DPP7: variants seen among roughly 807,000 people sequenced by gnomAD.
The protein encoded by DPP7 is dipeptidyl peptidase 2.
In DPP7, 74 loss-of-function variants were observed where a neutral mutation model predicts 58.8. The ratio of observed to expected loss-of-function variants is 1.26; its 90% CI spans 1.04 to 1.53. DPP7 has a LOEUF of 1.53. Among genes scored for constraint, DPP7 ranks in the 40% most tolerant of loss-of-function variants. The probability of loss-of-function intolerance (pLI) is 0.00; values close to 1 mark genes in which losing one functional copy is unlikely to be tolerated. For missense variants in DPP7, 807 were observed against 692.3 expected, an observed-to-expected ratio of 1.17 and a Z score of -1.86; for synonymous variants, 350 against 303.6, an observed-to-expected ratio of 1.15 and a Z score of -1.59.
chr9:137,114,884 GC>G, upstream of DPP7: 1 of 398,140 alleles, frequency 2.5e-6, no homozygotes, highest in Non-Finnish European at 4.2e-6. Context: ...CGCGGCCGCT[GC>G]CCAGGGGTCC....
At chr9:137,117,577 C>T (rs971305617), upstream of DPP7, among the ~76,000 whole-genome samples, 2 of 152,304 alleles carry the variant, frequency 1.3e-5, no homozygotes, top group East Asian at 1.9e-4. Context: ...CTCCACACCC[C>T]GATTCCTGCT....
At chr9:137,116,428 T>G (rs1831640199), upstream of DPP7, among the ~76,000 whole-genome samples, 3 of 152,222 alleles carry the variant, frequency 2.0e-5, no homozygotes, top group South Asian at 6.2e-4. Context: ...GACTCAAGGT[T>G]TAGGGGATTT....
At position 137,113,477 on chromosome 9, in the gene DPP7, C is replaced by T. The variant is rs1422925642; in HGVS notation, c.505G>A (p.Ala169Thr). 3.8e-6 allele frequency: 6 copies of T among 1,585,060 alleles called. No homozygotes were observed. The highest frequency in any genetic ancestry group is 5.2e-6 in the Non-Finnish European group (6 of 1,163,962). The stretch of plus-strand genomic sequence containing the variant: ...TGGGGATACTTCATCCTCAGGTAGG[C>T]ACTGAGCATCCCCCCATAACTGGGT... ...FGGSYGGMLS[A>T]YLRMKYPHLV... Residue 169 changes from alanine to threonine, a missense_variant, in exon 5 of 13, where the codon GCC becomes ACC. By Grantham distance (58) the Ala-to-Thr change is moderately conservative. Transcript: ENST00000371579.
At position 137,112,735 on chromosome 9, in the gene DPP7, G is replaced by A. The variant is rs1298001660; in HGVS notation, c.931+10C>T. 1.3e-6 allele frequency: 2 copies of A among 1,597,032 alleles called. No individual in the cohort carries two copies. The highest frequency in any genetic ancestry group is 1.7e-6 in the Non-Finnish European group (2 of 1,175,160). On this transcript the variant is annotated intron_variant, in intron 8 of 12. Transcript: ENST00000371579. ...CCACACTTGCCCATCTGGGGCCGGG[G>A]GAAGGGCACCTGCCAGTGCTCGCAG...
At chr9:137,114,070 C>T in intron 3 of DPP7, 42 bp from the exon 4 acceptor site, 1 of 1,235,464 alleles carries the variant, frequency 8.1e-7, no homozygotes, top group Middle Eastern at 3.1e-4. Flanking sequence ...CGACCCCGCC[C>T]GGCACCCGCG....
Position 137,111,904 on chromosome 9 carries a change from G to T in DPP7, c.1176C>A (p.Pro392=). The part of the protein sequence containing the change: ...CLDTWGVWPR[P]DWLLTSFWGG... ...CCCAGAAGCTGGTCAGCAGCCAGTC[G>T]GGCCGGGGCCACACGCCCCAGGTGT... The change falls in exon 10 of 13, where the codon CCC becomes CCA. Residue 392 remains proline, a synonymous_variant. Coordinates refer to ENST00000371579, the MANE Select transcript of DPP7 (RefSeq NM_013379.3). 6.2e-7 allele frequency: 1 copy of T among 1,611,946 alleles called. No homozygotes were observed. Among genetic ancestry groups the T allele is most frequent in the Non-Finnish European group, 8.5e-7 (1 of 1,179,522 alleles).
At chr9:137,112,645 G>A in intron 8 of DPP7, 100 bp downstream of exon 8, 1 of 1,402,540 alleles carries the variant, frequency 7.1e-7, no homozygotes, top group Non-Finnish European at 9.7e-7. Context: ...AGGAGGCAAA[G>A]CCCCTGGCCG....
intron 7 of DPP7, 42 bp downstream of exon 7, chr9:137,112,911 T>C: frequency 6.2e-7 from 1 of 1,609,858 alleles, no homozygotes; most frequent in Non-Finnish European, 8.5e-7. Context: ...CTCGGGACAC[T>C]CCAGCCGGCC....
chr9:137,112,128 C>T lies in DPP7; in HGVS notation c.1034G>A (p.Arg345Lys). ...PTGCGTGPDA[R>K]AWDYQACTEI... ...CCCCCACACCTGGTAGTCCCAGGCC[C>T]TGGCGTCGGGGCCGGTGCCGCAGCC... The change falls in exon 9 of 13, where the codon AGG becomes AAG. Residue 345 changes from arginine (R) to lysine (K), a missense_variant. By Grantham distance (26) the Arg-to-Lys change is conservative. Transcript: ENST00000371579. The T allele has an allele frequency of 6.2e-7, 1 of 1,611,538 alleles. No homozygotes were observed. Among genetic ancestry groups the T allele is most frequent in the East Asian group, 2.2e-5 (1 of 44,866 alleles).
upstream of DPP7, among the ~76,000 whole-genome samples, chr9:137,118,255 T>G (rs1831673324): frequency 6.6e-6 from 1 of 150,688 alleles, no homozygotes; most frequent in African/African-American, 2.4e-5. Flanking sequence ...CCCAAAGCGC[T>G]GGGATTACAG....
In DPP7 at chr9:137,114,312, G is replaced by A. The variant is rs1444397187; in HGVS notation, c.252C>T (p.Phe84=). The A allele has an allele frequency of 1.2e-6, 2 of 1,605,254 alleles. No individual in the cohort carries two copies. Among genetic ancestry groups the A allele is most frequent in the Non-Finnish European group, 1.7e-6 (2 of 1,176,688 alleles). ...YTGNEGDVWA[F]ANNSAFVAEL... ...CCGCGACGAAGGCCGAGTTGTTGGC[G>A]AAGGCCCACACGTCGCCCTCGTTCC... The change falls in exon 3 of 13, where the codon TTC becomes TTT. Residue 84 remains phenylalanine (F), a synonymous_variant. Coordinates refer to ENST00000371579, the MANE Select transcript of DPP7 (RefSeq NM_013379.3).
At chr9:137,115,124 C>T (rs1831590916), upstream of DPP7, 1 of 167,708 alleles carries the variant, frequency 6.0e-6, no homozygotes, top group Non-Finnish European at 1.3e-5. Context: ...GGAGAGGGTC[C>T]CAAACAGAGT....
chr9:137,112,242 AGGCGCTGG>A lies in DPP7; in HGVS notation c.932-20_932-13del, dbSNP rs775548949. ...GTTGTAGACCAGCCCTGGGGAGGAG[AGGCGCTGG>A]GGCCCAGCGGCCACACACAGACACA... On this transcript the variant is annotated splice_polypyrimidine_tract_variant and intron_variant, in intron 8 of 12. Coordinates refer to ENST00000371579, the MANE Select transcript of DPP7 (RefSeq NM_013379.3). 28 of 1,592,292 alleles carry A rather than the reference AGGCGCTGG, an allele frequency of 1.8e-5. No individual in the cohort carries two copies. Among genetic ancestry groups the A allele is most frequent in the Non-Finnish European group, 2.2e-5 (26 of 1,176,460 alleles).
rs780818415 is a variant in DPP7 at position 137,111,744 on chromosome 9, G to T, written c.1218C>A (p.Ala406=). Residue 406 remains alanine (A), a synonymous_variant, in exon 11 of 13, where the codon GCC becomes GCA. Coordinates refer to ENST00000371579, the MANE Select transcript of DPP7 (RefSeq NM_013379.3). ...CGTTGGAGAAGATGATGTTGCTGGC[G>T]GCTCTGAGATCTGCAAGGGGCAGAG... ...LTSFWGGDLR[A]ASNIIFSNGN... is the part of the protein sequence containing the mutation. The T allele has an allele frequency of 1.2e-6, 2 of 1,613,676 alleles. No individual in the cohort carries two copies. The highest frequency in any genetic ancestry group is 1.7e-5 in the Admixed American group (1 of 60,012).
intron 4 of DPP7, 92 bp downstream of exon 4, chr9:137,113,773 G>T: frequency 7.1e-7 from 1 of 1,400,514 alleles, no homozygotes. Context: ...AAAAGGCAGC[G>T]GTGGGAGTCA....
chr9:137,112,065 G>T, intron 9 of DPP7, 36 bp from the exon 10 acceptor site: 1 of 1,612,270 alleles, frequency 6.2e-7, no homozygotes, highest in Non-Finnish European at 8.5e-7. Flanking sequence ...GCCAGCCCAC[G>T]CCCACCCTTG....
chr9:137,112,822 G>A lies in DPP7; in HGVS notation c.871-17C>T. The stretch of plus-strand genomic sequence containing the variant: ...ACAGCCCACCTGGAGTGCAGGGGCA[G>A]CGGCGACTCAGCGGGGTCCCCTCCA... On this transcript the variant is annotated splice_polypyrimidine_tract_variant and intron_variant, in intron 7 of 12. Transcript: ENST00000371579. 6.2e-7 allele frequency: 1 copy of A among 1,608,418 alleles called. No homozygotes were observed. Among genetic ancestry groups the A allele is most frequent in the Non-Finnish European group, 8.5e-7 (1 of 1,179,086 alleles).
At chr9:137,112,464 C>T (rs1831419200) in intron 8 of DPP7, 2 of 623,342 alleles carry the variant, frequency 3.2e-6, no homozygotes, top group African/African-American at 1.8e-5. Flanking sequence ...CAGGGTGGGG[C>T]CTGCTGCCCT....
chr9:137,117,088 C>T (rs368485740), upstream of DPP7, among the ~76,000 whole-genome samples: 3 of 152,198 alleles, frequency 2.0e-5, no homozygotes, highest in African/African-American at 4.8e-5. Flanking sequence ...GGGGCCGGTG[C>T]GGGTCCTCCG....
Sources: gnomAD v4.1 joint callset for allele counts (sites outside exome capture counted in the v4.1 genomes callset) on GRCh38, gnomAD v4.1.1 for gene constraint, MANE v1.5 for transcripts, NCBI Gene and HGNC (gene_info 2026-07-23, HGNC 2026-07-21) for gene names.